The following PPCS variants were observed in gnomAD, a reference collection of about 807,000 sequenced individuals.
PPCS encodes the protein phosphopantothenoylcysteine synthetase.
PPCS carries 17 observed loss-of-function variants against 24.6 expected under a neutral mutation model. The observed-to-expected ratio is 0.69, with a 90% CI of 0.47 to 1.04. The LOEUF (loss-of-function observed/expected upper bound fraction) is 1.04. Among genes scored for constraint, PPCS ranks in the 50% least tolerant of loss-of-function variants. The probability of loss-of-function intolerance (pLI) is 0.00; values close to 1 mark genes in which losing one functional copy is unlikely to be tolerated. For synonymous variants in PPCS, 190 were observed against 168.3 expected (o/e 1.13, Z -1.00); for missense variants, 360 against 402.8 (o/e 0.89, Z 0.91).
At chr1:42,462,589 A>G (rs906031861), downstream of PPCS, among the ~76,000 whole-genome samples, 4 of 152,150 alleles carry the variant, frequency 2.6e-5, no homozygotes, top group African/African-American at 9.7e-5. Context: ...CAGCAAAGCA[A>G]GGGCCCCCAA....
At chr1:42,469,980 C>T (rs1441276562) in intron 2 of PPCS, among the ~76,000 whole-genome samples, 1 of 152,140 alleles carries the variant, frequency 6.6e-6, no homozygotes, top group Non-Finnish European at 1.5e-5. Flanking sequence ...TTCAGATTTG[C>T]ATGCCTGTTT....
chr1:42,468,633 G>A (rs771341682), intron 2 of PPCS: 2 of 152,192 alleles, frequency 1.3e-5, no homozygotes, highest in Non-Finnish European at 2.9e-5. Context: ...ACTTCAATGT[G>A]TTTCTGTTTC....
At chr1:42,456,490 C>T, upstream of PPCS, 2 of 1,394,174 alleles carry the variant, frequency 1.4e-6, no homozygotes, top group Admixed American at 3.1e-5. Flanking sequence ...CGGCGCGGCG[C>T]GTACACCAGG....
chr1:42,470,271 T>G (rs1044906486), intron 2 of PPCS, among the ~76,000 whole-genome samples: 3 of 138,928 alleles, frequency 2.2e-5, no homozygotes, highest in African/African-American at 8.1e-5. Context: ...GAGCAACTGC[T>G]TCACACCCAT....
chr1:42,456,942 C>T lies in PPCS; in HGVS notation c.377C>T (p.Pro126Leu). The change falls in exon 1 of 3, where the codon CCG becomes CTG. Residue 126 changes from proline to leucine, a missense_variant. Physicochemically the swap from Pro to Leu is moderately conservative, Grantham distance 98. This residue lies in a region of PPCS where 244 missense variants were observed against 234.7 expected (regional missense o/e 1.04). Transcript: ENST00000372561. ...LSLEAEENAL[P>L]GFAEALRSYQ... ...CTGGAGGCCGAGGAGAATGCACTTC[C>T]GGGTTTTGCTGAGGCTCTGAGGAGC... is the stretch of plus-strand genomic sequence containing the variant. The T allele has an allele frequency of 1.2e-6, 2 of 1,606,916 alleles. No homozygotes were observed. The highest frequency in any genetic ancestry group is 1.7e-6 in the Non-Finnish European group (2 of 1,180,008).
chr1:42,465,660 C>T (rs1242335270), downstream of PPCS, among the ~76,000 whole-genome samples: 4 of 152,152 alleles, frequency 2.6e-5, no homozygotes, highest in South Asian at 8.3e-4. Flanking sequence ...CCACGGTACC[C>T]GACCTCTAGC....
chr1:42,469,036 T>C (rs1643680221), intron 2 of PPCS, among the ~76,000 whole-genome samples: 1 of 151,056 alleles, frequency 6.6e-6, no homozygotes, highest in Admixed American at 6.6e-5. Context: ...AAAAAAAAAC[T>C]TTCAGGGAAG....
intron 2 of PPCS, among the ~76,000 whole-genome samples, chr1:42,471,848 A>C (rs1643779855): frequency 2.0e-5 from 3 of 151,946 alleles, no homozygotes; most frequent in Non-Finnish European, 4.4e-5. Context: ...ACTCTAGAAA[A>C]CTTAGCAATC....
At chr1:42,467,713 T>C (rs1643634201) in intron 2 of PPCS, 1 of 152,210 alleles carries the variant, frequency 6.6e-6, no homozygotes, top group South Asian at 2.1e-4. Flanking sequence ...GAGTAGGCCC[T>C]CAGAGGCCAT....
chr1:42,457,950 C>G (rs1170891055), intron 2 of PPCS, among the ~76,000 whole-genome samples: 6 of 129,614 alleles, frequency 4.6e-5, no homozygotes, highest in African/African-American at 1.4e-4. Context: ...AGCGATACTC[C>G]GTCGCAAAAA....
chr1:42,459,232 A>AG (rs1233701608), intron 2 of PPCS: 1 of 179,874 alleles, frequency 5.6e-6, no homozygotes, highest in East Asian at 1.4e-4. Context: ...GCATGAACAC[A>AG]GCTCACTGCA....
Position 42,456,799 on chromosome 1 carries a change from CG to C in PPCS, c.238del (p.Val80SerfsTer37). On this transcript the variant is annotated frameshift_variant, in exon 1 of 3. Coordinates refer to ENST00000372561, the MANE Select transcript of PPCS (RefSeq NM_024664.4). LOFTEE classifies it high-confidence loss of function. ...SAEAFLAAGY[G>X]VLFLYRARSA... ...CCGAGGCCTTCCTAGCCGCCGGCTA[CG>C]GGGTCCTGTTCTTGTATCGCGCTCG... 6.2e-7 allele frequency: 1 copy of C among 1,613,266 alleles called. No homozygotes were observed. Among genetic ancestry groups the C allele is most frequent in the East Asian group, 2.2e-5 (1 of 44,868 alleles).
At chr1:42,472,385 T>C (rs1398762054) in intron 2 of PPCS, among the ~76,000 whole-genome samples, 1 of 152,204 alleles carries the variant, frequency 6.6e-6, no homozygotes, top group Non-Finnish European at 1.5e-5. Flanking sequence ...AAAATTGATA[T>C]TGATAGCAGG....
intron 2 of PPCS, 50 bp from the exon 3 acceptor site, chr1:42,459,553 G>A (rs780056196): frequency 6.9e-7 from 1 of 1,439,996 alleles, no homozygotes; most frequent in Non-Finnish European, 9.6e-7. Flanking sequence ...GATTGACCTG[G>A]TAGGTAATGA....
chr1:42,458,422 T>TA (rs1643301778), intron 2 of PPCS, among the ~76,000 whole-genome samples: 1 of 152,162 alleles, frequency 6.6e-6, no homozygotes, highest in Non-Finnish European at 1.5e-5. Context: ...GAGAAACTCT[T>TA]ATCTGTGGGG....
At chr1:42,470,059 C>T (rs1643717780) in intron 2 of PPCS, among the ~76,000 whole-genome samples, 5 of 152,176 alleles carry the variant, frequency 3.3e-5, no homozygotes, top group African/African-American at 4.8e-5. Flanking sequence ...TGAACTTTTA[C>T]AGGGCTGAGA....
At position 42,459,661 on chromosome 1, in the gene PPCS, A is replaced by G. The variant is rs762812496; in HGVS notation, c.671A>G (p.Lys224Arg). The change falls in exon 3 of 3, where the codon AAA becomes AGA. Residue 224 changes from lysine (K) to arginine (R), a missense_variant. Coordinates refer to ENST00000372561, the MANE Select transcript of PPCS (RefSeq NM_024664.4). ...CCTTTGGTTAAAGATTGGGCTCCCA[A>G]AGCATTTATAATTTCCTTTAAGTTG... Reference protein sequence around the residue: ...LSPLVKDWAPKAFIISFKLET... With the variant: ...LSPLVKDWAPRAFIISFKLET... 2.5e-6 allele frequency: 4 copies of G among 1,614,166 alleles called. No individual in the cohort carries two copies. The highest frequency in any genetic ancestry group is 3.4e-6 in the Non-Finnish European group (4 of 1,179,992).
At chr1:42,461,860 A>G (rs1024519762), downstream of PPCS, among the ~76,000 whole-genome samples, 1 of 152,138 alleles carries the variant, frequency 6.6e-6, no homozygotes, top group African/African-American at 2.4e-5. Flanking sequence ...GGCTCCTTTG[A>G]CAATGATTTT....
chr1:42,465,126 C>T (rs543075740), downstream of PPCS, among the ~76,000 whole-genome samples: 1 of 152,230 alleles, frequency 6.6e-6, no homozygotes, highest in East Asian at 1.9e-4. Flanking sequence ...CCTGGGCAAA[C>T]ATGGCAAAAA....
Sources: allele counts gnomAD v4.1 joint callset (sites outside exome capture counted in the v4.1 genomes callset), GRCh38; gene constraint gnomAD v4.1.1; regional missense constraint gnomAD v4.1.1; transcripts MANE v1.5; gene names NCBI Gene and HGNC (gene_info 2026-07-23, HGNC 2026-07-21).